Variants in IGF2R observed in about 807,000 individuals in gnomAD.
IGF2R encodes cation-independent mannose-6-phosphate receptor.
A neutral mutation model predicts 270.6 loss-of-function variants in IGF2R; 91 were observed. The ratio of observed to expected loss-of-function variants is 0.34; its 90% confidence interval spans 0.28 to 0.40. The LOEUF (loss-of-function observed/expected upper bound fraction) is 0.40. IGF2R is among the 10% of genes least tolerant of loss of function. The pLI is 1.00. For missense variants in IGF2R, 2,805 were observed against 3,188.3 expected, an observed-to-expected ratio of 0.88 and a Z score of 2.90; for synonymous variants, 1,316 against 1,258.9, an observed-to-expected ratio of 1.05 and a Z score of -0.96.
intron 3 of IGF2R, among the ~76,000 whole-genome samples, chr6:160,009,668 A>G (rs1418976902): frequency 1.3e-5 from 2 of 152,162 alleles, no homozygotes; most frequent in African/African-American, 2.4e-5. Flanking sequence ...GGCATATTGT[A>G]TGTAATTTGT....
chr6:160,047,998 G>A (rs769144506), intron 17 of IGF2R, 91 bp downstream of exon 17: 14 of 862,396 alleles, frequency 1.6e-5, no homozygotes, highest in Non-Finnish European at 2.6e-5. Flanking sequence ...GCTGATGATG[G>A]GGAGTGATGC....
At chr6:160,016,791 G>C (rs1171464466) in intron 4 of IGF2R, among the ~76,000 whole-genome samples, 1 of 152,218 alleles carries the variant, frequency 6.6e-6, no homozygotes, top group Non-Finnish European at 1.5e-5. Context: ...AGTCTTTGAC[G>C]CTGAAAGCGT....
intron 2 of IGF2R, chr6:160,005,934 C>A: frequency 6.2e-6 from 1 of 160,336 alleles, no homozygotes; most frequent in South Asian, 1.4e-4. Context: ...CTCCCCGCAC[C>A]TTTTGCGCCT....
intron 44 of IGF2R, among the ~76,000 whole-genome samples, chr6:160,091,648 C>T (rs993149552): frequency 1.3e-5 from 2 of 152,258 alleles, no homozygotes; most frequent in African/African-American, 4.8e-5. Flanking sequence ...CTGTGTTTCT[C>T]TGTTCTCTGC....
intron 7 of IGF2R, among the ~76,000 whole-genome samples, chr6:160,029,935 G>A (rs1777658317): frequency 6.6e-6 from 1 of 152,222 alleles, no homozygotes; most frequent in African/African-American, 2.4e-5. Flanking sequence ...TCTAGTCTCT[G>A]TGAGATTATT....
rs762956034 is a variant in IGF2R at position 160,047,783 on chromosome 6, G to T, written c.2230-9G>T. 2 of 1,571,202 alleles carry T rather than the reference G, an allele frequency of 1.3e-6. No homozygotes were observed. The highest frequency in any genetic ancestry group is 1.1e-5 in the South Asian group (1 of 90,272). On this transcript the variant is annotated splice_polypyrimidine_tract_variant and intron_variant, in intron 16 of 47. Transcript: ENST00000356956. ...TTTGCCATCCCTCCGCGCATCTGCCGTGGATTAGGAAGAGGATAACTCCAC... is the reference window on the plus strand; with the variant it reads ...TTTGCCATCCCTCCGCGCATCTGCCTTGGATTAGGAAGAGGATAACTCCAC...
At position 160,063,497 on chromosome 6, in the gene IGF2R, C is replaced by T. The variant is rs147617407; in HGVS notation, c.3753C>T (p.Ser1251=). ...TGGGCCTCAACGACACCATCGTGAGCGCTGGCGAATACACTTATTACTTCC... is the reference window on the plus strand; with the variant it reads ...TGGGCCTCAACGACACCATCGTGAGTGCTGGCGAATACACTTATTACTTCC... ...KPLGLNDTIV[S]AGEYTYYFRV... Residue 1251 remains serine (S), a synonymous_variant, in exon 27 of 48, where the codon AGC becomes AGT. Coordinates refer to ENST00000356956, the MANE Select transcript of IGF2R (RefSeq NM_000876.4). 6.8e-5 allele frequency: 110 copies of T among 1,613,828 alleles called. 1 individual carries two copies. In the African/African-American group the frequency reaches 1.0e-3, roughly 15 times the overall value.
At chr6:160,048,676 G>A (rs1778125800) in intron 18 of IGF2R, 133 bp downstream of exon 18, 2 of 821,616 alleles carry the variant, frequency 2.4e-6, no homozygotes, top group Admixed American at 2.9e-5. Context: ...GTAGGAGTGG[G>A]GCCTCCATGT....
intron 4 of IGF2R, among the ~76,000 whole-genome samples, chr6:160,018,678 C>T (rs1777360571): frequency 6.6e-6 from 1 of 151,872 alleles, no homozygotes; most frequent in South Asian, 2.1e-4. Flanking sequence ...ACTCTCATAA[C>T]TATACAAATA....
chr6:160,012,057 A>G (rs867083615), intron 4 of IGF2R, among the ~76,000 whole-genome samples: 2 of 152,182 alleles, frequency 1.3e-5, no homozygotes, highest in African/African-American at 2.4e-5. Context: ...ATTTTCAGAT[A>G]TGGTCATCTA....
chr6:160,005,994 T>G (rs1171943447), intron 2 of IGF2R: 1 of 149,004 alleles, frequency 6.7e-6, no homozygotes, highest in African/African-American at 2.7e-5. Context: ...GCCCCTCGCC[T>G]CCTCATGCCC....
chr6:160,097,300 AC>A (rs1779384058), intron 45 of IGF2R, among the ~76,000 whole-genome samples: 1 of 151,718 alleles, frequency 6.6e-6, no homozygotes, highest in Non-Finnish European at 1.5e-5. Context: ...TTCTTATGTT[AC>A]CCCCACCCAT....
intron 44 of IGF2R, among the ~76,000 whole-genome samples, chr6:160,092,906 A>G (rs916231141): frequency 6.6e-5 from 10 of 152,334 alleles, no homozygotes; most frequent in Admixed American, 5.9e-4. Context: ...GAGTTCATGC[A>G]AGGAGTCCAC....
intron 9 of IGF2R, among the ~76,000 whole-genome samples, chr6:160,033,437 C>A (rs1305709936): frequency 1.3e-5 from 2 of 152,254 alleles, no homozygotes; most frequent in Non-Finnish European, 2.9e-5. Context: ...GACTGGCCTG[C>A]ATAATTTTCA....
At chr6:160,027,835 G>T (rs1460463231) in intron 6 of IGF2R, among the ~76,000 whole-genome samples, 1 of 152,162 alleles carries the variant, frequency 6.6e-6, no homozygotes, top group Non-Finnish European at 1.5e-5. Flanking sequence ...CATTTCTCTA[G>T]TGTGTTGCAC....
Position 160,084,296 on chromosome 6 carries a change from G to A in IGF2R, c.6068+112G>A. The A allele has an allele frequency of 1.5e-6, 1 of 666,802 alleles. No homozygotes were observed. Among genetic ancestry groups the A allele is most frequent in the Non-Finnish European group, 2.7e-6 (1 of 374,508 alleles). 41.3% of individuals were successfully genotyped at this position (666,802 alleles called of 1,614,324 possible). A position where few individuals can be genotyped will look rare whatever the true frequency, so the allele number is the denominator to read the frequency against. ...CTCAAGATGGGAATACTATGCCCAT[G>A]TGAGGCTGATGGTGGTTGAGTTGTG... On this transcript the variant is annotated intron_variant, in intron 40 of 47. Coordinates refer to ENST00000356956, the MANE Select transcript of IGF2R (RefSeq NM_000876.4). This position sits in a 1 kb window ranked among gnomAD's most constrained non-coding sequence, Gnocchi z 4.6.
At chr6:160,093,504 A>C (rs921488002) in intron 44 of IGF2R, 27 of 565,922 alleles carry the variant, frequency 4.8e-5, no homozygotes, top group Non-Finnish European at 8.2e-5. Context: ...CAGTCAAATC[A>C]CACGTCTGTA....
chr6:160,012,969 G>A (rs1784361773), intron 4 of IGF2R, among the ~76,000 whole-genome samples: 1 of 151,756 alleles, frequency 6.6e-6, no homozygotes, highest in Admixed American at 6.6e-5. Context: ...CCGGATCTGA[G>A]TTGCTTCCTG....
intron 11 of IGF2R, among the ~76,000 whole-genome samples, chr6:160,041,408 C>T (rs1398181007): frequency 5.3e-5 from 8 of 151,854 alleles, no homozygotes; most frequent in East Asian, 3.9e-4. Flanking sequence ...GGTATGTTCT[C>T]GCTCGTAAGT....
Sources: gnomAD v4.1 joint callset for allele counts (sites outside exome capture counted in the v4.1 genomes callset) on GRCh38, gnomAD v4.1.1 for gene constraint, Gnocchi (gnomAD v3.1) non-coding constraint, MANE v1.5 for transcripts, NCBI Gene and HGNC (gene_info 2026-07-23, HGNC 2026-07-21) for gene names.